TMPRSS11E: variants seen among roughly 807,000 people sequenced by gnomAD.
The protein encoded by TMPRSS11E is transmembrane serine protease 11E, also known as transmembrane protease serine 11E.
In TMPRSS11E, 38 loss-of-function variants were observed where a neutral mutation model predicts 48.1. That is an observed-to-expected ratio of 0.79 (90% CI 0.61 to 1.04). TMPRSS11E has a LOEUF of 1.04. Among genes scored for constraint, TMPRSS11E ranks in the 50% least tolerant of loss-of-function variants. The probability of loss-of-function intolerance (pLI) is 0.00; values close to 1 mark genes in which losing one functional copy is unlikely to be tolerated. For missense variants in TMPRSS11E, 530 were observed against 510.8 expected (o/e 1.04, Z -0.36); for synonymous variants, 158 against 171.9 (o/e 0.92, Z 0.63).
At chr4:68,487,905 C>T (rs553732714) in intron 9 of TMPRSS11E, among the ~76,000 whole-genome samples, 12 of 136,486 alleles carry the variant, frequency 8.8e-5, no homozygotes, top group South Asian at 4.8e-4. Flanking sequence ...CATATCATTG[C>T]GCTCCAGCCT....
chr4:68,457,749 G>A lies in TMPRSS11E; in HGVS notation c.12-4072G>A, dbSNP rs191849576. ...CATATACACCATGGAATACTATGCA[G>A]CCATAAAAGAGGATGAGTTCATGTT... On this transcript the variant is annotated intron_variant, in intron 1 of 9. Coordinates refer to ENST00000305363, the MANE Select transcript of TMPRSS11E (RefSeq NM_014058.4). Among the ~76,000 whole-genome samples the A allele has an allele frequency of 1.4e-4, 22 of 152,206 alleles. No individual in the cohort carries two copies. In the East Asian group the frequency reaches 4.1e-3, roughly 28 times the overall value.
Position 68,478,953 on chromosome 4 carries a change from T to C in TMPRSS11E, c.1072T>C (p.Cys358Arg). 2 of 1,614,128 alleles carry C rather than the reference T, an allele frequency of 1.2e-6. No homozygotes were observed. Among genetic ancestry groups the C allele is most frequent in the Non-Finnish European group, 1.7e-6 (2 of 1,179,976 alleles). ...YNDAITPRML[C>R]AGSLEGKTDA... ...TGACGCCATAACTCCTAGAATGTTA[T>C]GTGCTGGCTCCTTAGAAGGAAAAAC... The change falls in exon 9 of 10, where the codon TGT (cysteine) becomes CGT (arginine). Residue 358 changes from cysteine (C) to arginine (R), a missense_variant. By Grantham distance (180) the Cys-to-Arg change is radical. Transcript: ENST00000305363.
At chr4:68,468,118 T>A (rs577829306) in intron 3 of TMPRSS11E, among the ~76,000 whole-genome samples, 1 of 152,168 alleles carries the variant, frequency 6.6e-6, no homozygotes, top group Admixed American at 6.6e-5. Context: ...AGTAAAAAAA[T>A]TCGGAATTAA....
chr4:68,461,972 G>C (rs775057881), intron 2 of TMPRSS11E, 27 bp downstream of exon 2: 1 of 1,613,310 alleles, frequency 6.2e-7, no homozygotes, highest in Non-Finnish European at 8.5e-7. Context: ...TTGGCATCAT[G>C]TGATTTACCC....
chr4:68,476,527 A>G, intron 7 of TMPRSS11E, 89 bp downstream of exon 7: 6 of 1,331,460 alleles, frequency 4.5e-6, no homozygotes, highest in Non-Finnish European at 6.2e-6. Flanking sequence ...GGGAGATATG[A>G]GTTTAGCATA....
intron 9 of TMPRSS11E, among the ~76,000 whole-genome samples, chr4:68,494,864 T>C (rs1490853099): frequency 6.6e-6 from 1 of 152,160 alleles, no homozygotes; most frequent in Non-Finnish European, 1.5e-5. Flanking sequence ...GGAAGTGTAG[T>C]CCTGAGCAGA....
chr4:68,448,736 C>T (rs1728413203), intron 1 of TMPRSS11E, among the ~76,000 whole-genome samples: 1 of 151,760 alleles, frequency 6.6e-6, no homozygotes. Context: ...TGCAAATAAT[C>T]TCTCATGGAA....
At chr4:68,470,315 A>C (rs1054067644) in intron 4 of TMPRSS11E, among the ~76,000 whole-genome samples, 3 of 151,686 alleles carry the variant, frequency 2.0e-5, no homozygotes, top group Non-Finnish European at 4.4e-5. Context: ...AGAGCAGGAA[A>C]ATAGAAAAAT....
In TMPRSS11E at chr4:68,478,973, A is replaced by G. The variant is rs1419919095; in HGVS notation, c.1092A>G (p.Gly364=). The G allele has an allele frequency of 6.2e-7, 1 of 1,613,764 alleles. No homozygotes were observed. Among genetic ancestry groups the G allele is most frequent in the South Asian group, 1.1e-5 (1 of 91,018 alleles). The part of the protein sequence containing the change: ...PRMLCAGSLE[G]KTDACQGDSG... Reference sequence around the variant, plus strand: ...TGTTATGTGCTGGCTCCTTAGAAGGAAAAACAGATGCATGCCAGGTAAACA... The same window carrying G: ...TGTTATGTGCTGGCTCCTTAGAAGGGAAAACAGATGCATGCCAGGTAAACA... The change falls in exon 9 of 10, where the codon GGA becomes GGG. Residue 364 remains glycine (G), a synonymous_variant. Transcript: ENST00000305363.
At chr4:68,472,556 A>T (rs1433154888) in intron 5 of TMPRSS11E, among the ~76,000 whole-genome samples, 4 of 151,990 alleles carry the variant, frequency 2.6e-5, no homozygotes, top group Non-Finnish European at 4.4e-5. Context: ...TGGCTAGTGG[A>T]TACAGTAGTG....
In TMPRSS11E at chr4:68,476,243, C is replaced by G. The variant is rs778873754; in HGVS notation, c.530-18C>G. The stretch of plus-strand genomic sequence containing the variant: ...AATTAATGCACCCACCAATGCACCC[C>G]CCCTCTCTCTTTTGCAGGCTGCGGA... On this transcript the variant is annotated intron_variant, in intron 6 of 9. Transcript: ENST00000305363. The G allele has an allele frequency of 6.2e-7, 1 of 1,613,382 alleles. No individual in the cohort carries two copies. The highest frequency in any genetic ancestry group is 8.5e-7 in the Non-Finnish European group (1 of 1,179,908).
chr4:68,460,864 C>A (rs1445572046), intron 1 of TMPRSS11E, among the ~76,000 whole-genome samples: 1 of 147,698 alleles, frequency 6.8e-6, no homozygotes, highest in Non-Finnish European at 1.5e-5. Context: ...GAATCTCATG[C>A]AAAAAGAATT....
chr4:68,452,155 G>A (rs62317541), intron 1 of TMPRSS11E, among the ~76,000 whole-genome samples: 41,989 of 151,628 alleles, frequency 0.28, 6,161 homozygotes, highest in Admixed American at 0.33. Context: ...AGACAGAGAT[G>A]TAGTCTGTCC....
chr4:68,457,776 T>C (rs1728674947), intron 1 of TMPRSS11E, among the ~76,000 whole-genome samples: 1 of 151,542 alleles, frequency 6.6e-6, no homozygotes. Context: ...GTTCATGTTC[T>C]TTGCAGGGAC....
At chr4:68,469,370 T>C (rs911255287) in intron 4 of TMPRSS11E, among the ~76,000 whole-genome samples, 4 of 151,968 alleles carry the variant, frequency 2.6e-5, no homozygotes, top group Non-Finnish European at 4.4e-5. Flanking sequence ...TCTCAAAATA[T>C]GTAGCTGAGA....
At chr4:68,455,698 C>T (rs1728610696) in intron 1 of TMPRSS11E, among the ~76,000 whole-genome samples, 1 of 151,946 alleles carries the variant, frequency 6.6e-6, no homozygotes, top group African/African-American at 2.4e-5. Flanking sequence ...GCAGTGATAT[C>T]AGCACACTGC....
At chr4:68,454,475 T>A (rs919574335) in intron 1 of TMPRSS11E, among the ~76,000 whole-genome samples, 4 of 151,880 alleles carry the variant, frequency 2.6e-5, no homozygotes, top group Non-Finnish European at 5.9e-5. Context: ...TAATAAAAAA[T>A]TTCATAAATT....
In TMPRSS11E at chr4:68,496,785, C is replaced by T; in HGVS notation, c.1253C>T (p.Thr418Ile). ...GTTACGGCCTTGCGGGACTGGATTACTTCAAAAACTGGTATCTAAGAGAGA... is the reference window on the plus strand; with the variant it reads ...GTTACGGCCTTGCGGGACTGGATTATTTCAAAAACTGGTATCTAAGAGAGA... ...TRVTALRDWI[T>I]SKTGI Residue 418 changes from threonine to isoleucine, a missense_variant, in exon 10 of 10, where the codon ACT becomes ATT. Transcript: ENST00000305363. 1 of 1,611,796 alleles carries T rather than the reference C, an allele frequency of 6.2e-7. No individual in the cohort carries two copies. Among genetic ancestry groups the T allele is most frequent in the Non-Finnish European group, 8.5e-7 (1 of 1,179,030 alleles).
intron 9 of TMPRSS11E, among the ~76,000 whole-genome samples, chr4:68,490,321 T>G (rs1578146368): frequency 1.3e-5 from 2 of 152,198 alleles, no homozygotes; most frequent in African/African-American, 4.8e-5. Flanking sequence ...GGCCATTTTG[T>G]TTTAGTATTT....
Sources: gnomAD v4.1 joint callset for allele counts (sites outside exome capture counted in the v4.1 genomes callset) on GRCh38, gnomAD v4.1.1 for gene constraint, MANE v1.5 for transcripts, NCBI Gene and HGNC (gene_info 2026-07-23, HGNC 2026-07-21) for gene names.